Variants in HSF2BP observed in about 807,000 individuals in gnomAD.
The protein encoded by HSF2BP is heat shock transcription factor 2 binding protein.
Under a neutral mutation model 35.0 loss-of-function variants are expected in HSF2BP, and 35 were observed. That is an observed-to-expected ratio of 1.00 (90% CI 0.76 to 1.32). The LOEUF (loss-of-function observed/expected upper bound fraction) is 1.32. Among genes scored for constraint, HSF2BP ranks in the 40% most tolerant of loss-of-function variants. The pLI is 0.00. For synonymous variants in HSF2BP, 114 were observed against 117.4 expected (o/e 0.97, Z 0.18); for missense variants, 326 against 321.7 (o/e 1.01, Z -0.10).
intron 4 of HSF2BP, among the ~76,000 whole-genome samples, chr21:43,637,210 T>C (rs955838418): frequency 3.3e-5 from 5 of 152,130 alleles, no homozygotes; most frequent in African/African-American, 7.2e-5. Context: ...GATATATCCA[T>C]CCAATGGAAT....
At chr21:43,603,535 A>C (rs1418071236) in intron 7 of HSF2BP, among the ~76,000 whole-genome samples, 2 of 152,202 alleles carry the variant, frequency 1.3e-5, no homozygotes, top group Admixed American at 1.3e-4. Flanking sequence ...CACCCTGCAC[A>C]CAGTTCTGTC....
intron 7 of HSF2BP, among the ~76,000 whole-genome samples, chr21:43,610,610 C>A (rs562205665): frequency 1.3e-5 from 2 of 151,704 alleles, no homozygotes; most frequent in Non-Finnish European, 2.9e-5. Context: ...TGTCTCTCCC[C>A]CTCTTCCCCC....
chr21:43,634,498 T>C (rs2082525889), intron 4 of HSF2BP, among the ~76,000 whole-genome samples: 1 of 152,370 alleles, frequency 6.6e-6, no homozygotes. Context: ...TATTAAATGC[T>C]GTAGATTTTC....
intron 4 of HSF2BP, among the ~76,000 whole-genome samples, chr21:43,643,951 T>C (rs1264583099): frequency 1.3e-5 from 2 of 148,834 alleles, no homozygotes. Context: ...CAAGACTCTG[T>C]CTCAAAAAAA....
intron 3 of HSF2BP, among the ~76,000 whole-genome samples, chr21:43,646,101 TGAGGCCA>T (rs950904992): frequency 1.3e-5 from 2 of 150,804 alleles, no homozygotes; most frequent in African/African-American, 4.9e-5. Flanking sequence ...GAGGATCACT[TGAGGCCA>T]GGAGTTCGAG....
Position 43,592,117 on chromosome 21 carries a change from C to T in HSF2BP, c.796+108G>A. ...GTATATAGAGAGGATTTGGTGCTAT[C>T]TCTGGTTTCAGACATCTACTAGGAA... On this transcript the variant is annotated intron_variant, in intron 8 of 8. Coordinates refer to ENST00000291560, the MANE Select transcript of HSF2BP (RefSeq NM_007031.2). The T allele has an allele frequency of 5.8e-6, 4 of 689,114 alleles. No homozygotes were observed. The South Asian group carries it at 7.1e-5, about 12-fold the overall frequency. The allele number at this position is 689,114 out of a possible 1,614,324, so 42.7% of individuals were successfully genotyped here.
chr21:43,629,746 A>C (rs1398429514), intron 6 of HSF2BP, among the ~76,000 whole-genome samples: 1 of 152,206 alleles, frequency 6.6e-6, no homozygotes, highest in African/African-American at 2.4e-5. Flanking sequence ...TTGAGATGGA[A>C]TCTACTCTTG....
At chr21:43,653,143 AAGAG>A (rs1219553535) in intron 3 of HSF2BP, among the ~76,000 whole-genome samples, 1 of 147,954 alleles carries the variant, frequency 6.8e-6, no homozygotes, top group African/African-American at 2.5e-5. Context: ...ACTCGGAAGA[AAGAG>A]AGAAAGAGAG....
chr21:43,609,416 A>C (rs2082175180), intron 7 of HSF2BP, among the ~76,000 whole-genome samples: 1 of 152,078 alleles, frequency 6.6e-6, no homozygotes, highest in Admixed American at 6.6e-5. Flanking sequence ...CTGCACATGT[A>C]CCCCCTGAAT....
intron 4 of HSF2BP, among the ~76,000 whole-genome samples, chr21:43,634,821 T>C (rs1296314903): frequency 1.3e-5 from 2 of 152,232 alleles, no homozygotes; most frequent in Admixed American, 1.3e-4. Context: ...AGATTCATCC[T>C]TTCAGTGTAC....
At chr21:43,594,367 T>C (rs2081960515) in intron 7 of HSF2BP, among the ~76,000 whole-genome samples, 2 of 152,206 alleles carry the variant, frequency 1.3e-5, no homozygotes, top group African/African-American at 4.8e-5. Context: ...AAATGTCTAC[T>C]CTATGGGATT....
intron 3 of HSF2BP, among the ~76,000 whole-genome samples, chr21:43,645,256 C>G (rs2082693382): frequency 6.6e-6 from 1 of 152,140 alleles, no homozygotes; most frequent in South Asian, 2.1e-4. Context: ...ATCAGAATCC[C>G]TGGAGGACTT....
intron 8 of HSF2BP, among the ~76,000 whole-genome samples, chr21:43,588,548 C>G (rs954599549): frequency 6.6e-6 from 1 of 152,078 alleles, no homozygotes; most frequent in African/African-American, 2.4e-5. Context: ...AACCTTGGCA[C>G]CTTACTCACT....
intron 8 of HSF2BP, among the ~76,000 whole-genome samples, chr21:43,583,535 G>C (rs2081794425): frequency 7.9e-6 from 1 of 125,836 alleles, no homozygotes; most frequent in Non-Finnish European, 1.7e-5. Flanking sequence ...TGAAGGGCCT[G>C]CTGAGGGAGA....
chr21:43,574,746 A>T (rs1438147279), intron 8 of HSF2BP, among the ~76,000 whole-genome samples: 1 of 152,028 alleles, frequency 6.6e-6, no homozygotes, highest in African/African-American at 2.4e-5. Context: ...CAGGGCACAC[A>T]GGGCCGCCCT....
chr21:43,645,741 A>C (rs1239551510), intron 3 of HSF2BP, among the ~76,000 whole-genome samples: 1 of 152,172 alleles, frequency 6.6e-6, no homozygotes, highest in African/African-American at 2.4e-5. Flanking sequence ...GCTCACAGAC[A>C]CTTCCTCAAC....
chr21:43,651,387 C>T (rs1157652465), intron 3 of HSF2BP, among the ~76,000 whole-genome samples: 1 of 152,144 alleles, frequency 6.6e-6, no homozygotes, highest in African/African-American at 2.4e-5. Flanking sequence ...GACTTAACCA[C>T]CAAGACTAAT....
chr21:43,580,322 G>C (rs945664583), intron 8 of HSF2BP, among the ~76,000 whole-genome samples: 4 of 151,982 alleles, frequency 2.6e-5, no homozygotes, highest in African/African-American at 9.7e-5. Context: ...ATTGTATCCT[G>C]ACCAGACTAC....
intron 6 of HSF2BP, among the ~76,000 whole-genome samples, chr21:43,617,331 T>A (rs2146939775): frequency 6.6e-6 from 1 of 152,090 alleles, no homozygotes; most frequent in Non-Finnish European, 1.5e-5. Flanking sequence ...GTATTTTAAC[T>A]GCAAATGCCA....
Sources: gnomAD v4.1 joint callset for allele counts (sites outside exome capture counted in the v4.1 genomes callset) on GRCh38, gnomAD v4.1.1 for gene constraint, MANE v1.5 for transcripts, NCBI Gene and HGNC (gene_info 2026-07-23, HGNC 2026-07-21) for gene names.